Variants in TRIB3 observed in about 807,000 individuals in gnomAD.
The protein encoded by TRIB3 is tribbles pseudokinase 3, also known as tribbles homolog 3.
Under a neutral mutation model 16.6 loss-of-function variants are expected in TRIB3, and 20 were observed. The ratio of observed to expected loss-of-function variants is 1.20; its 90% CI spans 0.85 to 1.75. The LOEUF (loss-of-function observed/expected upper bound fraction) is 1.75. Ranked by LOEUF, TRIB3 falls within the 40% of genes most tolerant of loss-of-function variation. The pLI is 0.00. For missense variants in TRIB3, 484 were observed against 488.9 expected (o/e 0.99, Z 0.10); for synonymous variants, 208 against 217.0 (o/e 0.96, Z 0.36).
chr20:386,821 T>C (rs2014826437), intron 1 of TRIB3, among the ~76,000 whole-genome samples: 1 of 152,042 alleles, frequency 6.6e-6, no homozygotes, highest in African/African-American at 2.4e-5. Flanking sequence ...TCCACCACCT[T>C]GGCCTCCCAA....
At chr20:388,438 C>A in intron 2 of TRIB3, 137 bp downstream of exon 2, 5 of 1,181,452 alleles carry the variant, frequency 4.2e-6, no homozygotes, top group East Asian at 2.6e-5. Flanking sequence ...ATCCAGGGAG[C>A]CCCTGCTGGA....
At chr20:389,026 C>A (rs1038929082) in intron 2 of TRIB3, among the ~76,000 whole-genome samples, 7 of 152,070 alleles carry the variant, frequency 4.6e-5, no homozygotes, top group African/African-American at 1.7e-4. Context: ...GGGTCAAGGC[C>A]CCTGAGGGTC....
chr20:387,265 C>T (rs1428044421), intron 1 of TRIB3, among the ~76,000 whole-genome samples: 1 of 152,024 alleles, frequency 6.6e-6, no homozygotes, highest in Non-Finnish European at 1.5e-5. Flanking sequence ...GTCCCAGCTA[C>T]TTGGGAGGCT....
In TRIB3 at chr20:396,663, A is replaced by C; in HGVS notation, c.1050A>C (p.Gly350=). 6.2e-7 allele frequency: 1 copy of C among 1,612,074 alleles called. No individual in the cohort carries two copies. The highest frequency in any genetic ancestry group is 8.5e-7 in the Non-Finnish European group (1 of 1,179,358). The change falls in exon 4 of 4, where the codon GGA becomes GGC. Residue 350 remains glycine (G), a synonymous_variant. Coordinates refer to ENST00000217233, the MANE Select transcript of TRIB3 (RefSeq NM_021158.5). ...LGLDEAREEE[G]DREVVLYG ...TGGACGAAGCCAGGGAAGAGGAGGG[A>C]GACAGAGAAGTGGTTCTGTATGGCT...
At chr20:384,527 C>A (rs1381695804) in intron 1 of TRIB3, among the ~76,000 whole-genome samples, 1 of 152,078 alleles carries the variant, frequency 6.6e-6, no homozygotes, top group Non-Finnish European at 1.5e-5. Context: ...CCATGCCCAC[C>A]TAATTTTTGT....
At chr20:384,254 C>A (rs562635716) in intron 1 of TRIB3, among the ~76,000 whole-genome samples, 5 of 152,320 alleles carry the variant, frequency 3.3e-5, no homozygotes, top group African/African-American at 1.2e-4. Flanking sequence ...TTCAGTGGCT[C>A]CCCACTGCCT....
chr20:382,581 G>A, intron 1 of TRIB3: 1 of 1,535,574 alleles, frequency 6.5e-7, no homozygotes, highest in Non-Finnish European at 8.7e-7. Flanking sequence ...AGAATAACAG[G>A]ATGAGTGCTA....
At position 396,470 on chromosome 20, in the gene TRIB3, C is replaced by T; in HGVS notation, c.857C>T (p.Ala286Val). 6.2e-7 allele frequency: 1 copy of T among 1,612,862 alleles called. No homozygotes were observed. The highest frequency in any genetic ancestry group is 8.5e-7 in the Non-Finnish European group (1 of 1,179,986). The change falls in exon 4 of 4, where the codon GCC becomes GTC. Residue 286 changes from alanine to valine, a missense_variant. Transcript: ENST00000217233. ...GAYALPAGLSAPARCLVRCLL... is the reference protein window; with the variant it reads ...GAYALPAGLSVPARCLVRCLL... ...TACGCCTTGCCTGCAGGCCTCTCGG[C>T]CCCTGCCCGCTGTCTGGTTCGCTGC...
Position 396,300 on chromosome 20 carries a change from G to C in TRIB3, c.687G>C (p.Glu229Asp). 1 of 1,613,902 alleles carries C rather than the reference G, an allele frequency of 6.2e-7. No homozygotes were observed. The highest frequency in any genetic ancestry group is 8.5e-7 in the Non-Finnish European group (1 of 1,180,038). Reference sequence around the variant, plus strand: ...CGTGCCCAGCCTACGTGGGACCTGAGATACTCAGCTCACGGGCCTCATACT... The same window carrying C: ...CGTGCCCAGCCTACGTGGGACCTGACATACTCAGCTCACGGGCCTCATACT... Reference protein sequence around the residue: ...KHACPAYVGPEILSSRASYSG... With the variant: ...KHACPAYVGPDILSSRASYSG... The change falls in exon 4 of 4, where the codon GAG becomes GAC. Residue 229 changes from glutamate (E) to aspartate (D), a missense_variant. Transcript: ENST00000217233.
intron 1 of TRIB3, among the ~76,000 whole-genome samples, chr20:387,554 GA>G (rs11330051): frequency 0.19 from 25,789 of 139,364 alleles, 2,572 homozygotes; most frequent in Admixed American, 0.31. Flanking sequence ...ATCTCTTGGG[GA>G]AAAAAAAAAA....
chr20:381,529 T>C (rs1205272637), intron 1 of TRIB3: 3 of 85,184 alleles, frequency 3.5e-5, no homozygotes, highest in African/African-American at 4.8e-5. Flanking sequence ...AGTCGTGTGG[T>C]GCGGTGAGGG....
rs377271355 is a variant in TRIB3, at chr20:391,532, C to G, written c.537C>G (p.Val179=). ...ALAHCHQHGL[V]LRDLKLCRFV... is the part of the protein sequence containing the mutation. ...CGCACTGTCACCAGCACGGTCTGGT[C>G]CTGCGTGATCTCAAGCTGTGTCGCT... Residue 179 remains valine (V), a synonymous_variant, in exon 3 of 4, where the codon GTC becomes GTG. Coordinates refer to ENST00000217233, the MANE Select transcript of TRIB3 (RefSeq NM_021158.5). 3 of 1,613,232 alleles carry G rather than the reference C, an allele frequency of 1.9e-6. No individual in the cohort carries two copies.
At chr20:382,730 A>G in intron 1 of TRIB3, 2 of 808,738 alleles carry the variant, frequency 2.5e-6, no homozygotes, top group Non-Finnish European at 4.1e-6. Flanking sequence ...AGGCTCAGAA[A>G]GCTTGAGGAA....
chr20:391,453 G>C lies in TRIB3; in HGVS notation c.458G>C (p.Arg153Pro). The change falls in exon 3 of 4, where the codon CGT becomes CCT. Residue 153 changes from arginine (R) to proline (P), a missense_variant. Arg to Pro is a moderately radical substitution (Grantham distance 103). Coordinates refer to ENST00000217233, the MANE Select transcript of TRIB3 (RefSeq NM_021158.5). ...DMHSLVRSRHRIPEPEAAVLF... is the reference protein window; with the variant it reads ...DMHSLVRSRHPIPEPEAAVLF... ...CACAGCCTGGTGCGAAGCCGCCACC[G>C]TATCCCTGAGCCTGAGGCTGCCGTG... The C allele has an allele frequency of 6.2e-7, 1 of 1,613,806 alleles. No homozygotes were observed. The highest frequency in any genetic ancestry group is 8.5e-7 in the Non-Finnish European group (1 of 1,179,996).
At chr20:388,346 G>A (rs562820050) in intron 2 of TRIB3, 45 bp downstream of exon 2, 1 of 1,550,972 alleles carries the variant, frequency 6.4e-7, no homozygotes, top group Admixed American at 1.9e-5. Flanking sequence ...CAGGAGGCCT[G>A]GGAAGGAGGC....
intron 1 of TRIB3, among the ~76,000 whole-genome samples, chr20:386,169 C>T (rs752166641): frequency 1.3e-5 from 2 of 152,042 alleles, no homozygotes; most frequent in South Asian, 2.1e-4. Context: ...TAGCCTTGGA[C>T]GTGATTTTAT....
At chr20:388,832 A>C (rs955774736) in intron 2 of TRIB3, among the ~76,000 whole-genome samples, 1 of 152,168 alleles carries the variant, frequency 6.6e-6, no homozygotes, top group Non-Finnish European at 1.5e-5. Flanking sequence ...CATGGTAGAC[A>C]TCAAAACTCC....
intron 1 of TRIB3, among the ~76,000 whole-genome samples, chr20:383,172 T>A (rs1327226194): frequency 6.6e-6 from 1 of 152,188 alleles, no homozygotes; most frequent in African/African-American, 2.4e-5. Flanking sequence ...TGGCTTTCCT[T>A]TCACTTAACA....
intron 3 of TRIB3, among the ~76,000 whole-genome samples, chr20:393,799 C>T (rs1444545708): frequency 4.6e-5 from 7 of 152,166 alleles, no homozygotes; most frequent in Non-Finnish European, 7.4e-5. Context: ...ATTCCTATGT[C>T]GTGACCTTGA....
Sources: gnomAD v4.1 joint callset for allele counts (sites outside exome capture counted in the v4.1 genomes callset) on GRCh38, gnomAD v4.1.1 for gene constraint, MANE v1.5 for transcripts, NCBI Gene and HGNC (gene_info 2026-07-23, HGNC 2026-07-21) for gene names.